PRKN: variants seen among roughly 807,000 people sequenced by gnomAD.
PRKN encodes parkin RBR E3 ubiquitin protein ligase.
A neutral mutation model predicts 59.5 loss-of-function variants in PRKN; 56 were observed. That is an observed-to-expected ratio of 0.94 (90% confidence interval 0.76 to 1.18). The LOEUF (loss-of-function observed/expected upper bound fraction) is 1.18. PRKN is among the 50% of genes most tolerant of loss of function. The pLI is 0.00. For synonymous variants in PRKN, 250 were observed against 222.1 expected (o/e 1.13, Z -1.12); for missense variants, 657 against 596.4 (o/e 1.10, Z -1.06).
chr6:162,340,326 C>A (rs547431744), intron 2 of PRKN, among the ~76,000 whole-genome samples: 1 of 152,142 alleles, frequency 6.6e-6, no homozygotes, highest in East Asian at 1.9e-4. Context: ...CAACCTTATT[C>A]TAAAGTTTAA....
intron 2 of PRKN, among the ~76,000 whole-genome samples, chr6:162,365,463 T>A (rs1236538470): frequency 6.6e-6 from 1 of 152,168 alleles, no homozygotes; most frequent in African/African-American, 2.4e-5. Context: ...AATATGTACA[T>A]CAACTTCAAG....
At chr6:162,262,386 T>TCAAA (rs1779925965) in intron 3 of PRKN, 139 bp downstream of exon 3, 2 of 945,614 alleles carry the variant, frequency 2.1e-6, no homozygotes, top group Non-Finnish European at 3.4e-6. Flanking sequence ...CCTACAGTGA[T>TCAAA]GTCTCCTTGT....
At chr6:162,375,891 T>A (rs757654172) in intron 2 of PRKN, among the ~76,000 whole-genome samples, 1 of 152,092 alleles carries the variant, frequency 6.6e-6, no homozygotes, top group Non-Finnish European at 1.5e-5. Flanking sequence ...ACGGTTCTTG[T>A]CTGGGACATC....
At position 161,582,810 on chromosome 6, in the gene PRKN, C is replaced by T. The variant is rs1162588591; in HGVS notation, c.872-13394G>A. 1.3e-5 allele frequency among the ~76,000 whole-genome samples: 2 copies of T among 152,026 alleles called. No homozygotes were observed. Among genetic ancestry groups the T allele is most frequent in the African/African-American group, 4.8e-5 (2 of 41,400 alleles). ...ATGCATGAATTGAGTTCAGAGCTGT[C>T]GTCTTATGACTCAGATCCATGTTCA... On this transcript the variant is annotated intron_variant, in intron 7 of 11. Transcript: ENST00000366898. This position sits in a 1 kb window ranked among gnomAD's most constrained non-coding sequence, Gnocchi z 4.4.
At chr6:162,270,088 C>T (rs1780308173) in intron 2 of PRKN, 1 of 152,182 alleles carries the variant, frequency 6.6e-6, no homozygotes, top group Admixed American at 6.5e-5. Flanking sequence ...TATAGCAGCA[C>T]AATTCACAAT....
At chr6:161,688,890 AAC>A (rs1785666351) in intron 7 of PRKN, among the ~76,000 whole-genome samples, 1 of 152,160 alleles carries the variant, frequency 6.6e-6, no homozygotes, top group Non-Finnish European at 1.5e-5. Flanking sequence ...CATGGAAGGA[AAC>A]ACAGAAATTT....
intron 1 of PRKN, among the ~76,000 whole-genome samples, chr6:162,714,918 G>C (rs1778666358): frequency 1.3e-5 from 2 of 152,104 alleles, no homozygotes; most frequent in South Asian, 4.1e-4. Context: ...CTAAGGGCAA[G>C]CATTAAGGAA....
At chr6:162,449,574 A>G (rs1790492408) in intron 1 of PRKN, among the ~76,000 whole-genome samples, 1 of 150,864 alleles carries the variant, frequency 6.6e-6, no homozygotes, top group Non-Finnish European at 1.5e-5. Flanking sequence ...TATGTTTTAT[A>G]TTTTATTATT....
chr6:162,612,266 T>C (rs1782219198), intron 1 of PRKN, among the ~76,000 whole-genome samples: 1 of 145,682 alleles, frequency 6.9e-6, no homozygotes, highest in African/African-American at 2.5e-5. Context: ...ACCTCCATAA[T>C]AGAACCAGGA....
chr6:162,565,697 AATACATAC>A (rs55883841), intron 1 of PRKN, among the ~76,000 whole-genome samples: 32,760 of 148,646 alleles, frequency 0.22, 4,341 homozygotes, highest in African/African-American at 0.37. Context: ...TCTCAAAATA[AATACATAC>A]ATACATACAT....
At chr6:162,726,793 ACCT>A (rs773633851) in intron 1 of PRKN, among the ~76,000 whole-genome samples, 17 of 152,150 alleles carry the variant, frequency 1.1e-4, no homozygotes, top group Non-Finnish European at 2.1e-4. Flanking sequence ...ACCTGGAGAA[ACCT>A]CCACAATAAT....
chr6:162,554,360 G>A (rs553028740), intron 1 of PRKN, among the ~76,000 whole-genome samples: 47 of 152,168 alleles, frequency 3.1e-4, no homozygotes, highest in African/African-American at 4.8e-4. Context: ...AAAATTAGCC[G>A]GGCGTGGTGG....
At chr6:161,796,125 A>G (rs561994235) in intron 6 of PRKN, among the ~76,000 whole-genome samples, 1 of 152,314 alleles carries the variant, frequency 6.6e-6, no homozygotes, top group Non-Finnish European at 1.5e-5. Context: ...AAATAGAAAT[A>G]CAAAGCCACG....
chr6:162,021,043 C>T (rs1397566795), intron 5 of PRKN, among the ~76,000 whole-genome samples: 1 of 145,686 alleles, frequency 6.9e-6, no homozygotes, highest in African/African-American at 2.5e-5. Context: ...GTGGAAGTTG[C>T]AGTGAGTCGA....
intron 4 of PRKN, among the ~76,000 whole-genome samples, chr6:162,136,579 T>G (rs1781570582): frequency 6.6e-6 from 1 of 152,212 alleles, no homozygotes; most frequent in Non-Finnish European, 1.5e-5. Flanking sequence ...AGGCATAAGT[T>G]GCCTCATTTC....
chr6:162,608,034 T>C (rs1306843729), intron 1 of PRKN, among the ~76,000 whole-genome samples: 4 of 152,198 alleles, frequency 2.6e-5, no homozygotes, highest in African/African-American at 9.6e-5. Context: ...ATCTTGTGGC[T>C]GCACAGGTTG....
intron 1 of PRKN, among the ~76,000 whole-genome samples, chr6:162,556,369 G>GTGTGTGCA: frequency 1.1e-5 from 1 of 94,498 alleles, no homozygotes; most frequent in African/African-American, 3.2e-5. Flanking sequence ...GTGTGTGTGT[G>GTGTGTGCA]TGTGTGTGTG....
intron 7 of PRKN, among the ~76,000 whole-genome samples, chr6:161,695,435 A>T (rs1785978998): frequency 1.3e-5 from 2 of 152,130 alleles, no homozygotes; most frequent in South Asian, 4.1e-4. Flanking sequence ...TTCTTGGTGT[A>T]CTAGTAACCA....
At chr6:161,656,485 C>A (rs1367553789) in intron 7 of PRKN, among the ~76,000 whole-genome samples, 3 of 152,202 alleles carry the variant, frequency 2.0e-5, no homozygotes, top group Non-Finnish European at 2.9e-5. Context: ...CAGCACCCCC[C>A]ACTGCTCTGA....
Sources: gnomAD v4.1 joint callset for allele counts (sites outside exome capture counted in the v4.1 genomes callset) on GRCh38, gnomAD v4.1.1 for gene constraint, Gnocchi (gnomAD v3.1) non-coding constraint, MANE v1.5 for transcripts, NCBI Gene and HGNC (gene_info 2026-07-23, HGNC 2026-07-21) for gene names.